Variants in PPP1R1C observed in about 807,000 individuals in gnomAD.
PPP1R1C encodes protein phosphatase 1 regulatory inhibitor subunit 1C, also known as protein phosphatase 1 regulatory subunit 1C.
In PPP1R1C, 15 loss-of-function variants were observed where a neutral mutation model predicts 17.4. That is an observed-to-expected ratio of 0.86 (90% CI 0.58 to 1.33). The LOEUF is 1.33. Ranked by LOEUF, PPP1R1C falls within the 40% of genes most tolerant of loss-of-function variation. The pLI is 0.00. For missense variants in PPP1R1C, 143 were observed against 130.0 expected (o/e 1.10, Z -0.48); for synonymous variants, 35 against 43.1 (o/e 0.81, Z 0.73).
At chr2:182,116,861 G>C (rs944381517) in intron 4 of PPP1R1C, among the ~76,000 whole-genome samples, 2 of 152,104 alleles carry the variant, frequency 1.3e-5, no homozygotes, top group Non-Finnish European at 2.9e-5. Context: ...ATAGAATTGA[G>C]GGATGCCAAA....
At chr2:182,078,569 T>C (rs1688382451) in intron 4 of PPP1R1C, among the ~76,000 whole-genome samples, 1 of 152,208 alleles carries the variant, frequency 6.6e-6, no homozygotes, top group Non-Finnish European at 1.5e-5. Flanking sequence ...TAAAATCCTA[T>C]GTATCTCATC....
At chr2:182,099,130 G>T (rs1689027217) in intron 4 of PPP1R1C, among the ~76,000 whole-genome samples, 1 of 152,176 alleles carries the variant, frequency 6.6e-6, no homozygotes, top group African/African-American at 2.4e-5. Context: ...CAGGAACTTT[G>T]AGTTCCAGTG....
At chr2:182,108,646 C>A (rs77218223) in intron 4 of PPP1R1C, among the ~76,000 whole-genome samples, 2,400 of 152,226 alleles carry the variant, frequency 0.016, 36 homozygotes, top group South Asian at 0.058. Context: ...ATAAAACTTT[C>A]TTCATCTAAA....
intron 2 of PPP1R1C, among the ~76,000 whole-genome samples, chr2:181,989,684 A>T (rs1685403481): frequency 6.6e-6 from 1 of 152,146 alleles, no homozygotes; most frequent in East Asian, 1.9e-4. Context: ...CCCAATTACT[A>T]GATGGCATTG....
chr2:182,003,930 A>T (rs1461712170), intron 2 of PPP1R1C, among the ~76,000 whole-genome samples: 1 of 152,024 alleles, frequency 6.6e-6, no homozygotes, highest in African/African-American at 2.4e-5. Context: ...TCTATGCTGG[A>T]TTACTTTCTC....
At chr2:182,015,523 C>T (rs1686237694) in intron 2 of PPP1R1C, among the ~76,000 whole-genome samples, 1 of 152,136 alleles carries the variant, frequency 6.6e-6, no homozygotes, top group Admixed American at 6.5e-5. Flanking sequence ...TGGGTCACAT[C>T]TAAAGCTGAC....
At chr2:181,978,730 A>G (rs2125136181) in intron 2 of PPP1R1C, among the ~76,000 whole-genome samples, 1 of 152,222 alleles carries the variant, frequency 6.6e-6, no homozygotes, top group Non-Finnish European at 1.5e-5. Flanking sequence ...TCTGTGTTCT[A>G]TAGTTTACAT....
intron 2 of PPP1R1C, among the ~76,000 whole-genome samples, chr2:182,035,418 G>T (rs958188739): frequency 3.3e-5 from 5 of 152,044 alleles, no homozygotes; most frequent in Non-Finnish European, 5.9e-5. Context: ...TTGCCATGAG[G>T]AATTATGCAT....
chr2:182,090,317 CAG>C (rs1385871519), intron 4 of PPP1R1C, among the ~76,000 whole-genome samples: 2 of 92,482 alleles, frequency 2.2e-5, no homozygotes, highest in Non-Finnish European at 4.0e-5. Context: ...GTGTGTGTGT[CAG>C]AGAGAGACAG....
Position 182,078,792 on chromosome 2 carries a change from T to C in PPP1R1C, c.241+15001T>C, listed in dbSNP as rs186356367. 2.1e-3 allele frequency among the ~76,000 whole-genome samples: 322 copies of C among 152,322 alleles called. 2 individuals carry two copies. Among genetic ancestry groups the C allele is most frequent in the African/African-American group, 7.2e-3 (300 of 41,562 alleles). Reference sequence around the variant, plus strand: ...GTCATGTGAGTGAAAAATAAAGTAATATATGTATAGTGCCCAATATGTAGC... The same window carrying C: ...GTCATGTGAGTGAAAAATAAAGTAACATATGTATAGTGCCCAATATGTAGC... On this transcript the variant is annotated intron_variant, in intron 4 of 4. Transcript: ENST00000682840.
At chr2:182,123,651 C>T (rs1226659683) in intron 5 of PPP1R1C, among the ~76,000 whole-genome samples, 1 of 152,196 alleles carries the variant, frequency 6.6e-6, no homozygotes, top group Non-Finnish European at 1.5e-5. Context: ...TAAATGTCTT[C>T]TTTTGAAAAG....
intron 2 of PPP1R1C, among the ~76,000 whole-genome samples, chr2:181,991,928 T>TG (rs1219242863): frequency 6.6e-6 from 1 of 152,214 alleles, no homozygotes; most frequent in African/African-American, 2.4e-5. Context: ...GGGAAATAAA[T>TG]GGCAAAGATA....
At chr2:182,123,415 G>A (rs187088996) in intron 5 of PPP1R1C, among the ~76,000 whole-genome samples, 88 of 152,266 alleles carry the variant, frequency 5.8e-4, no homozygotes, top group South Asian at 1.7e-3. Flanking sequence ...CTAGATCCTT[G>A]AGAAATCTCC....
intron 2 of PPP1R1C, among the ~76,000 whole-genome samples, chr2:181,978,759 C>G (rs967459941): frequency 4.6e-5 from 7 of 151,854 alleles, no homozygotes; most frequent in African/African-American, 1.7e-4. Context: ...CTTAGGCCAG[C>G]CGAGATTTGA....
At chr2:182,031,359 G>T (rs990312197) in intron 2 of PPP1R1C, among the ~76,000 whole-genome samples, 11 of 152,178 alleles carry the variant, frequency 7.2e-5, no homozygotes, top group African/African-American at 2.4e-4. Flanking sequence ...GGACTGTCTT[G>T]CTTGAATTTT....
intron 4 of PPP1R1C, among the ~76,000 whole-genome samples, chr2:182,076,940 TA>T (rs1233304046): frequency 6.6e-6 from 1 of 152,202 alleles, no homozygotes; most frequent in Non-Finnish European, 1.5e-5. Flanking sequence ...CTAAACTTTG[TA>T]AAAATAATAA....
intron 4 of PPP1R1C, among the ~76,000 whole-genome samples, chr2:182,067,880 T>C (rs1056495638): frequency 3.3e-5 from 5 of 152,086 alleles, no homozygotes; most frequent in African/African-American, 9.7e-5. Flanking sequence ...AGAGCCAGAT[T>C]TGGCATCAGT....
intron 2 of PPP1R1C, among the ~76,000 whole-genome samples, chr2:181,999,003 G>A (rs1312593641): frequency 6.6e-6 from 1 of 152,128 alleles, no homozygotes; most frequent in African/African-American, 2.4e-5. Context: ...CAGAGTTCCT[G>A]CTTCACTTAG....
chr2:182,039,380 T>C (rs1371157615), intron 2 of PPP1R1C, among the ~76,000 whole-genome samples: 3 of 152,064 alleles, frequency 2.0e-5, no homozygotes, highest in Non-Finnish European at 4.4e-5. Context: ...TGGGTTGTTG[T>C]TGTTGTTGTT....
Sources: allele counts gnomAD v4.1 joint callset (sites outside exome capture counted in the v4.1 genomes callset), GRCh38; gene constraint gnomAD v4.1.1; transcripts MANE v1.5; gene names NCBI Gene and HGNC (gene_info 2026-07-23, HGNC 2026-07-21).